Variants in SPATC1 observed in about 807,000 individuals in gnomAD.
The protein encoded by SPATC1 is speriolin.
A neutral mutation model predicts 36.5 loss-of-function variants in SPATC1; 35 were observed. That is an observed-to-expected ratio of 0.96 (90% CI 0.73 to 1.27). The LOEUF (loss-of-function observed/expected upper bound fraction) is 1.27, where lower values mean the gene tolerates loss of function less well. Ranked by LOEUF, SPATC1 falls within the 50% of genes most tolerant of loss-of-function variation. The pLI, the probability that SPATC1 is intolerant of heterozygous loss-of-function variation, is 0.00. For missense variants in SPATC1, 779 were observed against 796.0 expected (o/e 0.98, Z 0.26); for synonymous variants, 361 against 353.6 (o/e 1.02, Z -0.24).
intron 1 of SPATC1, among the ~76,000 whole-genome samples, chr8:144,021,579 T>C: frequency 9.0e-6 from 1 of 110,798 alleles, no homozygotes; most frequent in African/African-American, 3.5e-5. Flanking sequence ...AGGACCCTCT[T>C]ACCTCAGAAC....
At chr8:144,041,150 C>T in intron 3 of SPATC1, 43 bp downstream of exon 3, 1 of 1,589,852 alleles carries the variant, frequency 6.3e-7, no homozygotes, top group Non-Finnish European at 8.6e-7. Context: ...GCCCCCAGGC[C>T]CTCTCCCTGC....
intron 1 of SPATC1, among the ~76,000 whole-genome samples, chr8:144,029,202 TAAAAAAA>T (rs1165801794): frequency 2.2e-3 from 63 of 28,158 alleles, no homozygotes; most frequent in Non-Finnish European, 2.8e-3. Flanking sequence ...ACCCCAGAAC[TAAAAAAA>T]AAAAAAAAAA....
chr8:144,041,144 C>G (rs1835086123), intron 3 of SPATC1, 37 bp downstream of exon 3: 1 of 1,588,080 alleles, frequency 6.3e-7, no homozygotes, highest in African/African-American at 1.3e-5. Context: ...GGTCGGGCCC[C>G]CAGGCCCTCT....
Position 144,023,942 on chromosome 8 carries a change from C to A in SPATC1, c.211+11216C>A, listed in dbSNP as rs925892278. 2.4e-4 allele frequency among the ~76,000 whole-genome samples: 36 copies of A among 150,456 alleles called. No homozygotes were observed. The South Asian group carries it at 4.5e-3, about 19-fold the overall frequency. On this transcript the variant is annotated intron_variant, in intron 1 of 4. Coordinates refer to ENST00000377470, the MANE Select transcript of SPATC1 (RefSeq NM_198572.3). ...ACCCTGTTCCCTAAAAACCTTCCCC[C>A]CTCAGGACCCTCTTCCCTCAGGACC...
chr8:144,032,144 C>T (rs1373371014), intron 1 of SPATC1, among the ~76,000 whole-genome samples: 2 of 152,032 alleles, frequency 1.3e-5, no homozygotes, highest in East Asian at 1.9e-4. Flanking sequence ...AGGCTTTATT[C>T]ATTTTTCTTT....
intron 1 of SPATC1, among the ~76,000 whole-genome samples, chr8:144,030,844 A>G (rs1023305914): frequency 6.6e-6 from 1 of 152,154 alleles, no homozygotes; most frequent in Non-Finnish European, 1.5e-5. Context: ...TCTTAAATTT[A>G]TAACAGTCTA....
intron 1 of SPATC1, among the ~76,000 whole-genome samples, chr8:144,015,298 G>A (rs1400015094): frequency 1.3e-5 from 2 of 151,222 alleles, no homozygotes; most frequent in Non-Finnish European, 2.9e-5. Flanking sequence ...TAATCTGTCC[G>A]CCTCAGCCTC....
rs933043336 is a variant in SPATC1, at chr8:144,040,148, G to C, written c.451G>C (p.Gly151Arg). The C allele has an allele frequency of 7.5e-6, 12 of 1,609,248 alleles. No individual in the cohort carries two copies. Among genetic ancestry groups the C allele is most frequent in the Non-Finnish European group, 1.0e-5 (12 of 1,178,904 alleles). The change falls in exon 2 of 5, where the codon GGC becomes CGC. Residue 151 changes from glycine (G) to arginine (R), a missense_variant. By Grantham distance (125) the Gly-to-Arg change is moderately radical (BLOSUM62 -2). Coordinates refer to ENST00000377470, the MANE Select transcript of SPATC1 (RefSeq NM_198572.3). ...CAGTCCCATTGCGGGACCCCTAACA[G>C]GCACACTGGCCAGTTCCCTGGGCCT... ...LTSPIAGPLT[G>R]TLASSLGLPS...
intron 1 of SPATC1, among the ~76,000 whole-genome samples, chr8:144,013,949 C>G (rs185074215): frequency 3.3e-5 from 5 of 151,800 alleles, no homozygotes; most frequent in Admixed American, 6.6e-5. Context: ...GAGCGAGACT[C>G]CATCTCAAAA....
intron 1 of SPATC1, among the ~76,000 whole-genome samples, chr8:144,015,763 GAAAA>G (rs1446515819): frequency 1.6e-5 from 2 of 122,242 alleles, no homozygotes; most frequent in African/African-American, 6.1e-5. Context: ...AAAAAGAAAA[GAAAA>G]AAGAAAAAAT....
At chr8:144,043,651 C>G (rs1444375055) in intron 4 of SPATC1, among the ~76,000 whole-genome samples, 5 of 151,740 alleles carry the variant, frequency 3.3e-5, no homozygotes, top group African/African-American at 9.7e-5. Context: ...GCTGGGATTC[C>G]AGGTACGAGC....
chr8:144,039,154 CCTT>C (rs1447290947), intron 1 of SPATC1, among the ~76,000 whole-genome samples: 4 of 152,206 alleles, frequency 2.6e-5, no homozygotes, highest in Non-Finnish European at 4.4e-5. Context: ...CTCACAAAAA[CCTT>C]CTCTGCACTC....
intron 4 of SPATC1, among the ~76,000 whole-genome samples, chr8:144,044,401 A>G (rs1282113417): frequency 6.6e-6 from 1 of 150,664 alleles, no homozygotes; most frequent in African/African-American, 2.4e-5. Flanking sequence ...CCACGGGTTC[A>G]CGCCATTCTC....
chr8:144,040,761 A>G lies in SPATC1; in HGVS notation c.960A>G (p.Ala320=). 6.2e-7 allele frequency: 1 copy of G among 1,608,604 alleles called. No homozygotes were observed. Among genetic ancestry groups the G allele is most frequent in the Non-Finnish European group, 8.5e-7 (1 of 1,177,916 alleles). ...PSAAQEQVVP[A]SVPTSPTTSP... is the part of the protein sequence containing the mutation. ...CCGCCCAGGAACAAGTGGTCCCTGC[A>G]TCTGTCCCCACCTCCCCCACCACCT... Residue 320 remains alanine, a synonymous_variant, in exon 3 of 5, where the codon GCA becomes GCG. Transcript: ENST00000377470.
At chr8:144,028,554 CAGATGCTGA>C (rs1329111819) in intron 1 of SPATC1, among the ~76,000 whole-genome samples, 7 of 152,188 alleles carry the variant, frequency 4.6e-5, no homozygotes, top group Non-Finnish European at 8.8e-5. Flanking sequence ...CAAGAAACAA[CAGATGCTGA>C]CGAGGCTGTG....
chr8:144,040,043 C>G lies in SPATC1; in HGVS notation c.346C>G (p.Pro116Ala), dbSNP rs371931424. ...CGCCACACCGGGCTCACTCATGAGC[C>G]CCCTGACAGGCACCCTCAGCACGCT... ...PSATPGSLMSPLTGTLSTLLS... is the reference protein window; with the variant it reads ...PSATPGSLMSALTGTLSTLLS... The change falls in exon 2 of 5, where the codon CCC (proline) becomes GCC (alanine). Residue 116 changes from proline to alanine, a missense_variant. Transcript: ENST00000377470. 1 of 1,613,588 alleles carries G rather than the reference C, an allele frequency of 6.2e-7. No homozygotes were observed. The highest frequency in any genetic ancestry group is 1.3e-5 in the African/African-American group (1 of 74,920).
chr8:144,026,809 C>CTT lies in SPATC1; in HGVS notation c.212-13085_212-13084dup, dbSNP rs1230432833. On this transcript the variant is annotated intron_variant, in intron 1 of 4. Coordinates refer to ENST00000377470, the MANE Select transcript of SPATC1 (RefSeq NM_198572.3). ...TTATTTTTTTAATTTCTTTCTTTTT[C>CTT]TTTTTTTTTTTTTTTTGAGACGGAG... 2.0e-3 allele frequency among the ~76,000 whole-genome samples: 262 copies of CTT among 131,914 alleles called. 4 individuals carry two copies. The highest frequency in any genetic ancestry group is 6.5e-3 in the African/African-American group (223 of 34,124). The allele number at this position is 131,914 out of a possible 152,430, so 86.5% of individuals were successfully genotyped here. A position where few individuals can be genotyped will look rare whatever the true frequency, so the allele number is the denominator to read the frequency against.
chr8:144,016,115 G>T lies in SPATC1; in HGVS notation c.211+3389G>T, dbSNP rs1203082382. ...GAAAGAAAGAAAAGAAATTAGCTGG[G>T]CATGGTGGCAGGTGCCTGTAATCCC... On this transcript the variant is annotated intron_variant, in intron 1 of 4. Transcript: ENST00000377470. This position sits in a 1 kb window ranked among gnomAD's most constrained non-coding sequence, Gnocchi z 4.5. Among the ~76,000 whole-genome samples, 2 of 151,924 alleles carry T rather than the reference G, an allele frequency of 1.3e-5. No homozygotes were observed. Among genetic ancestry groups the T allele is most frequent in the Non-Finnish European group, 2.9e-5 (2 of 67,970 alleles).
Position 144,040,427 on chromosome 8 carries a change from T to C in SPATC1, c.730T>C (p.Ser244Pro). The change falls in exon 2 of 5, where the codon TCC becomes CCC. Residue 244 changes from serine (S) to proline (P), a missense_variant. By Grantham distance (74) the Ser-to-Pro change is moderately conservative. Coordinates refer to ENST00000377470, the MANE Select transcript of SPATC1 (RefSeq NM_198572.3). ...PLRGGPTGPQ[S>P]PACVVPTATT... The stretch of plus-strand genomic sequence containing the variant: ...CCGCGGAGGCCCCACTGGGCCCCAG[T>C]CCCCAGCTTGCGTGGTACCCACTGC... The C allele has an allele frequency of 6.2e-7, 1 of 1,607,694 alleles. No homozygotes were observed. The highest frequency in any genetic ancestry group is 8.5e-7 in the Non-Finnish European group (1 of 1,177,692).
Sources: allele counts gnomAD v4.1 joint callset (sites outside exome capture counted in the v4.1 genomes callset), GRCh38; gene constraint gnomAD v4.1.1; non-coding constraint Gnocchi (gnomAD v3.1); transcripts MANE v1.5; gene names NCBI Gene and HGNC (gene_info 2026-07-23, HGNC 2026-07-21).